DRC3: variants seen among roughly 807,000 people sequenced by gnomAD.
DRC3 encodes the protein leucine rich repeat containing 48.
In DRC3, 45 loss-of-function variants were observed where a neutral mutation model predicts 57.6. The ratio of observed to expected loss-of-function variants is 0.78; its 90% CI spans 0.62 to 1.00. The LOEUF is 1.00. Among genes scored for constraint, DRC3 ranks in the 50% least tolerant of loss-of-function variants. The probability of loss-of-function intolerance (pLI) is 0.00; values close to 1 mark genes in which losing one functional copy is unlikely to be tolerated. For missense variants in DRC3, 655 were observed against 675.2 expected, an observed-to-expected ratio of 0.97 and a Z score of 0.33; for synonymous variants, 257 against 272.3, an observed-to-expected ratio of 0.94 and a Z score of 0.55.
chr17:18,007,635 C>T (rs1457801208), intron 12 of DRC3: 1 of 1,402,012 alleles, frequency 7.1e-7, no homozygotes, highest in Non-Finnish European at 9.3e-7. Flanking sequence ...GCCTGAGGAA[C>T]CTGGCTCCAT....
chr17:18,003,168 G>A (rs1416269959), intron 9 of DRC3, among the ~76,000 whole-genome samples: 2 of 151,948 alleles, frequency 1.3e-5, no homozygotes, highest in African/African-American at 2.4e-5. Flanking sequence ...CCCTTGGCCC[G>A]GACTCCCTCC....
At chr17:17,986,622 C>T (rs2042971946) in intron 4 of DRC3, among the ~76,000 whole-genome samples, 1 of 151,980 alleles carries the variant, frequency 6.6e-6, no homozygotes, top group African/African-American at 2.4e-5. Flanking sequence ...GCCACCATGC[C>T]CAGATAATTT....
rs546873371 is a variant in DRC3, at chr17:17,979,149, A to T, written c.160+1391A>T. ...GGCAAGGGAGAGAGCTGCTGTGCAGATCCACCAGGGAAAGTGGAGCAGCCA... is the reference window on the plus strand; with the variant it reads ...GGCAAGGGAGAGAGCTGCTGTGCAGTTCCACCAGGGAAAGTGGAGCAGCCA... On this transcript the variant is annotated intron_variant, in intron 3 of 13. Coordinates refer to ENST00000399187, the MANE Select transcript of DRC3 (RefSeq NM_031294.4). Among the ~76,000 whole-genome samples, 9 of 152,264 alleles carry T rather than the reference A, an allele frequency of 5.9e-5. No individual in the cohort carries two copies. The South Asian group carries it at 1.9e-3, about 32-fold the overall frequency.
chr17:17,980,714 C>A (rs1298170923), intron 3 of DRC3, among the ~76,000 whole-genome samples: 1 of 151,638 alleles, frequency 6.6e-6, no homozygotes, highest in Non-Finnish European at 1.5e-5. Context: ...CTTGCCTCAG[C>A]CTCCAGAGTA....
At chr17:17,987,601 C>T (rs1017476393) in intron 4 of DRC3, among the ~76,000 whole-genome samples, 1 of 152,162 alleles carries the variant, frequency 6.6e-6, no homozygotes, top group Admixed American at 6.5e-5. Context: ...CCGCTGTCTA[C>T]CCCGACCCCC....
intron 12 of DRC3, 85 bp from the exon 13 acceptor site, chr17:18,015,979 C>T (rs1205511314): frequency 1.3e-6 from 2 of 1,496,804 alleles, no homozygotes; most frequent in East Asian, 4.6e-5. Flanking sequence ...CAGGGGACTT[C>T]CAAATGCTCC....
chr17:17,994,097 G>T (rs772479825), intron 6 of DRC3: 2 of 597,608 alleles, frequency 3.3e-6, no homozygotes, highest in East Asian at 3.6e-5. Flanking sequence ...ATTTCCCTGC[G>T]CTCACAAAAA....
chr17:17,981,868 T>G (rs2042706366), intron 3 of DRC3, among the ~76,000 whole-genome samples: 2 of 151,718 alleles, frequency 1.3e-5, no homozygotes. Flanking sequence ...GTATTTTTAT[T>G]ATAGAGACAG....
At chr17:18,015,626 G>A (rs1239626850) in intron 12 of DRC3, 2 of 161,212 alleles carry the variant, frequency 1.2e-5, no homozygotes, top group East Asian at 3.5e-4. Context: ...CCATGAGTTT[G>A]TAGGGCCTGC....
chr17:18,016,429 G>T, intron 13 of DRC3, 129 bp from the exon 14 acceptor site: 1 of 793,342 alleles, frequency 1.3e-6, no homozygotes. Flanking sequence ...CAGAACCTGG[G>T]GAGGCGCTGA....
intron 5 of DRC3, among the ~76,000 whole-genome samples, chr17:17,991,620 T>C: frequency 6.6e-6 from 1 of 152,136 alleles, no homozygotes; most frequent in Non-Finnish European, 1.5e-5. Flanking sequence ...TAAAATACTT[T>C]TTTGCCAGTA....
chr17:17,981,759 A>G (rs780517911), intron 3 of DRC3, among the ~76,000 whole-genome samples: 46 of 152,118 alleles, frequency 3.0e-4, no homozygotes, highest in Non-Finnish European at 5.9e-4. Flanking sequence ...GTGCAGTGGC[A>G]TGATCTTGGC....
At position 17,994,423 on chromosome 17, in the gene DRC3, C is replaced by G. The variant is rs754970171; in HGVS notation, c.711+5C>G. On this transcript the variant is annotated splice_donor_5th_base_variant and intron_variant, in intron 7 of 13. Coordinates refer to ENST00000399187, the MANE Select transcript of DRC3 (RefSeq NM_031294.4). Reference sequence around the variant, plus strand: ...GAGGAGCTAGAGAAGCACAAGGTACCGTTCCGGCAGGCTGCACGCCCTCGG... The same window carrying G: ...GAGGAGCTAGAGAAGCACAAGGTACGGTTCCGGCAGGCTGCACGCCCTCGG... 5.2e-6 allele frequency: 8 copies of G among 1,551,398 alleles called. No homozygotes were observed. The East Asian group carries it at 1.7e-4, about 33-fold the overall frequency.
At chr17:18,007,698 G>C in intron 12 of DRC3, 6 of 1,311,276 alleles carry the variant, frequency 4.6e-6, no homozygotes, top group Non-Finnish European at 5.9e-6. Flanking sequence ...GCTGGGTCCC[G>C]CGGCAGCATG....
chr17:18,013,694 G>C (rs568630031), intron 12 of DRC3, among the ~76,000 whole-genome samples: 2 of 152,300 alleles, frequency 1.3e-5, no homozygotes, highest in Non-Finnish European at 2.9e-5. Flanking sequence ...CCAAATTACA[G>C]CTAGATAGGG....
At chr17:17,990,995 A>C (rs1597588322) in intron 5 of DRC3, among the ~76,000 whole-genome samples, 1 of 152,026 alleles carries the variant, frequency 6.6e-6, no homozygotes, top group African/African-American at 2.4e-5. Context: ...CCATCTAAAA[A>C]AAATAATAAT....
intron 12 of DRC3, among the ~76,000 whole-genome samples, chr17:18,012,135 C>T (rs932822370): frequency 6.6e-6 from 1 of 152,134 alleles, no homozygotes; most frequent in Non-Finnish European, 1.5e-5. Flanking sequence ...TGAATTAAGC[C>T]TGTTTAAAAC....
chr17:17,992,692 G>A lies in DRC3; in HGVS notation c.445-73G>A, dbSNP rs999962374. ...CAGGCTGACTCTGAAAGAGTACTGA[G>A]GAGGGAGGTGCAGCTGTGTTTTCAA... On this transcript the variant is annotated intron_variant, in intron 5 of 13. Transcript: ENST00000399187. 6.7e-5 allele frequency: 100 copies of A among 1,500,812 alleles called. 1 individual carries two copies. The highest frequency in any genetic ancestry group is 4.8e-5 in the Non-Finnish European group (53 of 1,106,708). 93.0% of individuals were successfully genotyped at this position (1,500,812 alleles called of 1,614,324 possible). A position where few individuals can be genotyped will look rare whatever the true frequency, so the allele number is the denominator to read the frequency against.
chr17:17,978,745 G>A (rs3935506), intron 3 of DRC3, among the ~76,000 whole-genome samples: 53,368 of 152,068 alleles, frequency 0.35, 10,856 homozygotes, highest in East Asian at 0.87. Context: ...GAGGGGTAAA[G>A]GGGCACAGAA....
Sources: allele counts gnomAD v4.1 joint callset (sites outside exome capture counted in the v4.1 genomes callset), GRCh38; gene constraint gnomAD v4.1.1; transcripts MANE v1.5; gene names NCBI Gene and HGNC (gene_info 2026-07-23, HGNC 2026-07-21).